Variants in STAB2 observed in about 807,000 individuals in gnomAD.
STAB2 encodes stabilin-2.
In STAB2, 288 loss-of-function variants were observed where a neutral mutation model predicts 338.1. That is an observed-to-expected ratio of 0.85 (90% CI 0.77 to 0.94). STAB2 has a LOEUF of 0.94. Among genes scored for constraint, STAB2 ranks in the 40% least tolerant of loss-of-function variants. The pLI is 0.00. For synonymous variants in STAB2, 1,202 were observed against 1,193.3 expected (o/e 1.01, Z -0.15); for missense variants, 3,141 against 3,210.1 (o/e 0.98, Z 0.52).
intron 15 of STAB2, among the ~76,000 whole-genome samples, chr12:103,659,670 A>G (rs1874450996): frequency 6.6e-6 from 1 of 152,184 alleles, no homozygotes; most frequent in Non-Finnish European, 1.5e-5. Flanking sequence ...AGGGCACCCT[A>G]TAGGGGCTGC....
At chr12:103,741,526 T>C (rs1882583536) in intron 55 of STAB2, among the ~76,000 whole-genome samples, 1 of 152,182 alleles carries the variant, frequency 6.6e-6, no homozygotes, top group Non-Finnish European at 1.5e-5. Flanking sequence ...GGACCACAGC[T>C]CACTACAGTC....
At chr12:103,749,765 A>G (rs1162604293) in intron 59 of STAB2, among the ~76,000 whole-genome samples, 1 of 143,712 alleles carries the variant, frequency 7.0e-6, no homozygotes, top group Non-Finnish European at 1.5e-5. Flanking sequence ...GCATGAACAC[A>G]GGAGGCGGAG....
intron 3 of STAB2, among the ~76,000 whole-genome samples, chr12:103,617,585 T>G (rs1424304230): frequency 1.3e-5 from 2 of 152,260 alleles, no homozygotes; most frequent in African/African-American, 2.4e-5. Context: ...CAGAACATTC[T>G]GACTGCAATG....
At position 103,652,636 on chromosome 12, in the gene STAB2, A is replaced by G; in HGVS notation, c.1338A>G (p.Glu446=). 6.2e-7 allele frequency: 1 copy of G among 1,610,466 alleles called. No homozygotes were observed. The highest frequency in any genetic ancestry group is 8.5e-7 in the Non-Finnish European group (1 of 1,178,486). The change falls in exon 12 of 69, where the codon GAA becomes GAG. Residue 446 remains glutamate, a synonymous_variant. Coordinates refer to ENST00000388887, the MANE Select transcript of STAB2 (RefSeq NM_017564.10). The part of the protein sequence containing the change: ...LHIIAGQMNI[E]YMNNTDMFYT... ...TAATTGCTGGTCAGATGAACATCGA[A>G]TATATGAATAACACAGACATGTTCT...
Position 103,708,492 on chromosome 12 carries a change from C to T in STAB2, c.4244C>T (p.Ser1415Phe), listed in dbSNP as rs1454595869. The change falls in exon 39 of 69, where the codon TCC becomes TTC. Residue 1415 changes from serine to phenylalanine, a missense_variant. Ser to Phe is a radical substitution (Grantham distance 155, BLOSUM62 -2). Transcript: ENST00000388887. ...AACCAAGGACCCTTGGGAGATGGCT[C>T]CTGTGACTGTGATGTTGGCTGGCGA... ...RCNQGPLGDG[S>F]CDCDVGWRGV... 12 of 1,614,050 alleles carry T rather than the reference C, an allele frequency of 7.4e-6. No homozygotes were observed. In the African/African-American group the frequency reaches 9.3e-5, roughly 13 times the overall value.
chr12:103,594,418 ACT>A lies in STAB2; in HGVS notation c.244_245del (p.Leu82ValfsTer10), dbSNP rs780428309. The A allele has an allele frequency of 2.9e-5, 47 of 1,613,362 alleles. No individual in the cohort carries two copies. The highest frequency in any genetic ancestry group is 4.0e-5 in the Non-Finnish European group (47 of 1,179,762). The stretch of plus-strand genomic sequence containing the variant: ...AGGTACACCTTTGAGGTCAGAACAT[ACT>A]CTCTGTCTCTCCCCGGATGCCGCCA... On this transcript the variant is annotated frameshift_variant, in exon 3 of 69. Coordinates refer to ENST00000388887, the MANE Select transcript of STAB2 (RefSeq NM_017564.10). LOFTEE classifies it high-confidence loss of function.
rs1193323783 is a variant in STAB2, at chr12:103,608,224, C to T, written c.332-12244C>T. ...TGCAATCTTGGCTCACTGCAAGCTC[C>T]GCCTCATGGGTTCACGCCATTCTCC... On this transcript the variant is annotated intron_variant, in intron 3 of 68. Transcript: ENST00000388887. Among the ~76,000 whole-genome samples, 12 of 152,252 alleles carry T rather than the reference C, an allele frequency of 7.9e-5. No homozygotes were observed. The South Asian group carries it at 2.3e-3, about 29-fold the overall frequency.
chr12:103,595,348 GT>G (rs201978133), intron 3 of STAB2, among the ~76,000 whole-genome samples: 12 of 149,444 alleles, frequency 8.0e-5, no homozygotes, highest in Admixed American at 4.7e-4. Context: ...CTTTTGCTTT[GT>G]TTTTTTTTCT....
intron 25 of STAB2, among the ~76,000 whole-genome samples, chr12:103,682,037 A>G (rs1033956255): frequency 7.2e-5 from 11 of 152,086 alleles, no homozygotes; most frequent in African/African-American, 2.4e-4. Context: ...CAACAAATGA[A>G]TTTGGGAATA....
intron 16 of STAB2, 37 bp downstream of exon 16, chr12:103,660,421 C>T: frequency 6.2e-7 from 1 of 1,606,984 alleles, no homozygotes; most frequent in Non-Finnish European, 8.5e-7. Flanking sequence ...TTTCTCTCTG[C>T]TTCCAAGATA....
intron 18 of STAB2, among the ~76,000 whole-genome samples, chr12:103,664,475 AT>A (rs1874903323): frequency 6.6e-6 from 1 of 152,222 alleles, no homozygotes; most frequent in Non-Finnish European, 1.5e-5. Context: ...AGCACCTGAA[AT>A]TCCAATACTG....
At chr12:103,701,189 T>G (rs1341124558) in intron 34 of STAB2, among the ~76,000 whole-genome samples, 2 of 151,432 alleles carry the variant, frequency 1.3e-5, no homozygotes, top group African/African-American at 4.9e-5. Context: ...GAACTCATCA[T>G]TTTTTATGGC....
At chr12:103,752,434 A>T (rs868589353) in intron 60 of STAB2, among the ~76,000 whole-genome samples, 7 of 152,194 alleles carry the variant, frequency 4.6e-5, no homozygotes, top group Admixed American at 1.3e-4. Context: ...TTTTTGTGGC[A>T]TTATACAATG....
At chr12:103,765,456 C>G (rs942604781) in intron 68 of STAB2, among the ~76,000 whole-genome samples, 4 of 152,214 alleles carry the variant, frequency 2.6e-5, no homozygotes, top group African/African-American at 4.8e-5. Flanking sequence ...ACATTTACCA[C>G]CACTAGTTTT....
At chr12:103,628,802 T>A (rs1045681416) in intron 5 of STAB2, among the ~76,000 whole-genome samples, 8 of 152,170 alleles carry the variant, frequency 5.3e-5, no homozygotes, top group Non-Finnish European at 7.3e-5. Flanking sequence ...AATAGGGGCA[T>A]TCTGAAGTAC....
intron 25 of STAB2, among the ~76,000 whole-genome samples, chr12:103,680,150 T>C (rs752279226): frequency 6.6e-6 from 1 of 152,188 alleles, no homozygotes; most frequent in Non-Finnish European, 1.5e-5. Context: ...GGAGTTATTG[T>C]GTAACGGGTC....
intron 3 of STAB2, among the ~76,000 whole-genome samples, chr12:103,597,911 AAT>A (rs761479397): frequency 1.3e-5 from 2 of 152,216 alleles, no homozygotes; most frequent in Non-Finnish European, 2.9e-5. Context: ...TTCAAAAAGA[AAT>A]AGTCTTGATT....
At chr12:103,716,011 C>A in intron 43 of STAB2, 123 bp downstream of exon 43, 2 of 1,044,170 alleles carry the variant, frequency 1.9e-6, no homozygotes, top group Non-Finnish European at 2.8e-6. Context: ...AAAATAAATA[C>A]TTTAGGGGAA....
chr12:103,740,789 A>G (rs374422260), intron 55 of STAB2, 33 bp downstream of exon 55: 1 of 1,540,598 alleles, frequency 6.5e-7, no homozygotes, highest in Non-Finnish European at 8.7e-7. Context: ...CGCAACTCTA[A>G]AAGTGGTAAT....
Sources: allele counts gnomAD v4.1 joint callset (sites outside exome capture counted in the v4.1 genomes callset), GRCh38; gene constraint gnomAD v4.1.1; transcripts MANE v1.5; gene names NCBI Gene and HGNC (gene_info 2026-07-23, HGNC 2026-07-21).